Variants in VPS35 observed in about 807,000 individuals in gnomAD.
VPS35 encodes the protein vacuolar protein sorting-associated protein 35.
In VPS35, 21 loss-of-function variants were observed where a neutral mutation model predicts 98.1. The ratio of observed to expected loss-of-function variants is 0.21; its 90% confidence interval spans 0.15 to 0.31. The LOEUF (loss-of-function observed/expected upper bound fraction) is 0.31. VPS35 is among the 10% of genes least tolerant of loss of function. The probability of loss-of-function intolerance (pLI) is 1.00; values close to 1 mark genes in which losing one functional copy is unlikely to be tolerated. For synonymous variants in VPS35, 268 were observed against 318.2 expected, an observed-to-expected ratio of 0.84 and a Z score of 1.68; for missense variants, 554 against 950.8, an observed-to-expected ratio of 0.58 and a Z score of 5.49.
At position 46,661,508 on chromosome 16, in the gene VPS35, G is replaced by C; in HGVS notation, c.2211+210C>G. 2.1e-6 allele frequency: 1 copy of C among 483,464 alleles called. No homozygotes were observed. The highest frequency in any genetic ancestry group is 3.6e-6 in the Non-Finnish European group (1 of 276,408). The allele number at this position is 483,464 out of a possible 1,614,324, so 29.9% of individuals were successfully genotyped here. Reference sequence around the variant, plus strand: ...GCCTCCCAAAGTGCTGGGATTACAGGCATGAGCCACCACGCCCAGCCTAGG... The same window carrying C: ...GCCTCCCAAAGTGCTGGGATTACAGCCATGAGCCACCACGCCCAGCCTAGG... On this transcript the variant is annotated intron_variant, in intron 16 of 16. Coordinates refer to ENST00000299138, the MANE Select transcript of VPS35 (RefSeq NM_018206.6). This position sits in a 1 kb window ranked among gnomAD's most constrained non-coding sequence, Gnocchi z 4.3.
chr16:46,659,374 T>C lies in VPS35; in HGVS notation c.*1098A>G, dbSNP rs1290206904. The C allele has an allele frequency of 6.6e-6, 1 of 152,302 alleles. No individual in the cohort carries two copies. Among genetic ancestry groups the C allele is most frequent in the Non-Finnish European group, 1.5e-5 (1 of 68,102 alleles). The allele number at this position is 152,302 out of a possible 1,614,324, so 9.4% of individuals were successfully genotyped here. A position where few individuals can be genotyped will look rare whatever the true frequency, so the allele number is the denominator to read the frequency against. On this transcript the variant is annotated 3_prime_UTR_variant, in exon 17 of 17. Coordinates refer to ENST00000299138, the MANE Select transcript of VPS35 (RefSeq NM_018206.6). ...ATCCAGAGACCTGTGAGATAAATGTTTGCTGTTTTAAGACAGTAAGTTTTG... is the reference window on the plus strand; with the variant it reads ...ATCCAGAGACCTGTGAGATAAATGTCTGCTGTTTTAAGACAGTAAGTTTTG...
At chr16:46,675,571 T>C (rs1333283777) in intron 8 of VPS35, among the ~76,000 whole-genome samples, 1 of 152,192 alleles carries the variant, frequency 6.6e-6, no homozygotes, top group Non-Finnish European at 1.5e-5. Context: ...GTATGGAATT[T>C]TTGCTGCCCA....
intron 13 of VPS35, among the ~76,000 whole-genome samples, chr16:46,665,452 C>T (rs906204019): frequency 6.6e-6 from 1 of 152,002 alleles, no homozygotes; most frequent in Non-Finnish European, 1.5e-5. Context: ...AAAAATTAGC[C>T]AGTGTGGTGG....
chr16:46,680,739 A>G lies in VPS35; in HGVS notation c.438T>C (p.Gly146=). Residue 146 remains glycine, a synonymous_variant, in exon 5 of 17, where the codon GGT becomes GGC. Coordinates refer to ENST00000299138, the MANE Select transcript of VPS35 (RefSeq NM_018206.6). ...GAAGAAGGTAATTTCGAAGAAACAG[A>G]CCCCTCAAGGGATGTTGCACACCAC... ...MCRGVQHPLR[G]LFLRNYLLQC... is the part of the protein sequence containing the mutation. The G allele has an allele frequency of 7.4e-6, 12 of 1,613,964 alleles. No homozygotes were observed. Among genetic ancestry groups the G allele is most frequent in the Non-Finnish European group, 1.0e-5 (12 of 1,179,946 alleles).
chr16:46,659,141 A>T lies in VPS35; in HGVS notation c.*1331T>A, dbSNP rs1409770400. ...GGGGCCTCTGCCCTCAAGGAAAGGA[A>T]CTTAGGCCTCTGCCCTCAAGGAGAG... On this transcript the variant is annotated 3_prime_UTR_variant, in exon 17 of 17. Transcript: ENST00000299138. 1 of 152,270 alleles carries T rather than the reference A, an allele frequency of 6.6e-6. No individual in the cohort carries two copies. Among genetic ancestry groups the T allele is most frequent in the Admixed American group, 6.6e-5 (1 of 15,264 alleles). The allele number at this position is 152,270 out of a possible 1,614,324, so 9.4% of individuals were successfully genotyped here.
chr16:46,661,460 C>T lies in VPS35; in HGVS notation c.2211+258G>A, dbSNP rs1965913801. ...GGCCAGGCTGGTTTCAAACTCCTGA[C>T]CTCAGGTGATCTGCCTGCCTCAGCC... On this transcript the variant is annotated intron_variant, in intron 16 of 16. Transcript: ENST00000299138. The surrounding 1 kb of genome is among the most constrained non-coding windows in gnomAD (Gnocchi z 4.3). The T allele has an allele frequency of 1.1e-5, 4 of 362,764 alleles. No homozygotes were observed. The highest frequency in any genetic ancestry group is 7.0e-5 in the South Asian group (3 of 42,602). The allele number at this position is 362,764 out of a possible 1,614,324, so 22.5% of individuals were successfully genotyped here. A position where few individuals can be genotyped will look rare whatever the true frequency, so the allele number is the denominator to read the frequency against.
At chr16:46,669,118 T>A in intron 12 of VPS35, 66 bp from the exon 13 acceptor site, 1 of 1,583,616 alleles carries the variant, frequency 6.3e-7, no homozygotes, top group Non-Finnish European at 8.7e-7. Context: ...GAAATAAATG[T>A]GGGCTCTAAT....
At chr16:46,664,437 G>A (rs890382332) in intron 13 of VPS35, among the ~76,000 whole-genome samples, 8 of 152,070 alleles carry the variant, frequency 5.3e-5, no homozygotes, top group Admixed American at 1.3e-4. Flanking sequence ...GATTACTGGC[G>A]TGAGCCACTG....
Position 46,660,298 on chromosome 16 carries a change from T to A in VPS35, c.*174A>T. 1.7e-6 allele frequency: 1 copy of A among 600,488 alleles called. No individual in the cohort carries two copies. The highest frequency in any genetic ancestry group is 2.8e-6 in the Non-Finnish European group (1 of 358,062). The allele number at this position is 600,488 out of a possible 1,614,324, so 37.2% of individuals were successfully genotyped here. ...TTGAACACTTACCAAGTGAATAATT[T>A]TATTAAGGTCCTGAAGGTGAGTGTC... On this transcript the variant is annotated 3_prime_UTR_variant, in exon 17 of 17. Transcript: ENST00000299138.
In VPS35 at chr16:46,683,447, T is replaced by C. The variant is rs1966262924; in HGVS notation, c.102+61A>G. On this transcript the variant is annotated intron_variant, in intron 2 of 16. Coordinates refer to ENST00000299138, the MANE Select transcript of VPS35 (RefSeq NM_018206.6). Reference sequence around the variant, plus strand: ...AGAAACACCTGACTCTAGAAGACACTGCACATGCTTCCTTAGGAACACACG... The same window carrying C: ...AGAAACACCTGACTCTAGAAGACACCGCACATGCTTCCTTAGGAACACACG... 8.8e-6 allele frequency: 13 copies of C among 1,475,218 alleles called. No individual in the cohort carries two copies. In the Admixed American group the frequency reaches 1.4e-4, roughly 15 times the overall value. 91.4% of individuals were successfully genotyped at this position (1,475,218 alleles called of 1,614,324 possible).
chr16:46,660,862 T>C (rs1179726679), intron 16 of VPS35: 2 of 552,498 alleles, frequency 3.6e-6, no homozygotes, highest in Admixed American at 2.5e-5. Flanking sequence ...ACAAGCAAAA[T>C]TGGCTCGGCT....
At chr16:46,674,772 AG>A (rs1417755590) in intron 8 of VPS35, 112 bp from the exon 9 acceptor site, 38 of 1,088,072 alleles carry the variant, frequency 3.5e-5, no homozygotes, top group Non-Finnish European at 4.9e-5. Flanking sequence ...TGAGCCCAAA[AG>A]GTTTTTGTTT....
In VPS35 at chr16:46,668,936, A is replaced by T. The variant is rs771405301; in HGVS notation, c.1641T>A (p.Ser547=). The change falls in exon 13 of 17, where the codon TCT becomes TCA. Residue 547 remains serine (S), a synonymous_variant. Transcript: ENST00000299138. ...YQLAFRYKEN[S]KVDDKWEKKC... The stretch of plus-strand genomic sequence containing the variant: ...TACTTAAAAGTAAACTCACCACTTT[A>T]GAATTCTCTTTATATCGAAAAGCCA... 1.9e-6 allele frequency: 3 copies of T among 1,614,072 alleles called. No homozygotes were observed. The Admixed American group carries it at 5.0e-5, about 27-fold the overall frequency.
chr16:46,674,180 G>GTGCTAAGCA, intron 10 of VPS35, 134 bp downstream of exon 10: 1 of 1,002,966 alleles, frequency 1.0e-6, no homozygotes, highest in Non-Finnish European at 1.5e-6. Flanking sequence ...GCCCCTAGTA[G>GTGCTAAGCA]TGCTAAGCAT....
chr16:46,688,837 G>A, intron 1 of VPS35: 1 of 1,403,566 alleles, frequency 7.1e-7, no homozygotes, highest in Non-Finnish European at 9.3e-7. Context: ...TCCACTTAAA[G>A]GAGGCCGCAG....
rs779097543 is a variant in VPS35, at chr16:46,661,529, C to T, written c.2211+189G>A. ...ACAGGCATGAGCCACCACGCCCAGC[C>T]TAGGAATTATCTTAAACTAGAACAT... On this transcript the variant is annotated intron_variant, in intron 16 of 16. Coordinates refer to ENST00000299138, the MANE Select transcript of VPS35 (RefSeq NM_018206.6). The surrounding 1 kb of genome is among the most constrained non-coding windows in gnomAD (Gnocchi z 4.3). 2.8e-4 allele frequency: 172 copies of T among 604,568 alleles called. 1 individual carries two copies. Among genetic ancestry groups the T allele is most frequent in the Middle Eastern group, 5.0e-4 (1 of 2,010 alleles). 37.5% of individuals were successfully genotyped at this position (604,568 alleles called of 1,614,324 possible).
At chr16:46,678,747 T>C (rs1966189165) in intron 6 of VPS35, among the ~76,000 whole-genome samples, 196 bp downstream of exon 6, 1 of 152,240 alleles carries the variant, frequency 6.6e-6, no homozygotes, top group Admixed American at 6.5e-5. Flanking sequence ...CAATTCTTTT[T>C]AAATGCTATT....
At chr16:46,679,507 G>A (rs535656620) in intron 5 of VPS35, among the ~76,000 whole-genome samples, 9 of 152,278 alleles carry the variant, frequency 5.9e-5, no homozygotes, top group East Asian at 3.9e-4. Flanking sequence ...CAGGAAGATC[G>A]CTTTAGGCCA....
At chr16:46,670,548 G>C (rs190756074) in intron 12 of VPS35, among the ~76,000 whole-genome samples, 47 of 152,270 alleles carry the variant, frequency 3.1e-4, no homozygotes, top group African/African-American at 1.0e-3. Context: ...GCCTCTCAAA[G>C]TGCCAGGATT....
Sources: gnomAD v4.1 joint callset for allele counts (sites outside exome capture counted in the v4.1 genomes callset) on GRCh38, gnomAD v4.1.1 for gene constraint, Gnocchi (gnomAD v3.1) non-coding constraint, MANE v1.5 for transcripts, NCBI Gene and HGNC (gene_info 2026-07-23, HGNC 2026-07-21) for gene names.